SEC22A: variants seen among roughly 807,000 people sequenced by gnomAD.
The protein encoded by SEC22A is SEC22 homolog A, vesicle trafficking protein.
In SEC22A, 22 loss-of-function variants were observed where a neutral mutation model predicts 35.3. That is an observed-to-expected ratio of 0.62 (90% CI 0.45 to 0.89). The LOEUF (loss-of-function observed/expected upper bound fraction) is 0.89. Among genes scored for constraint, SEC22A ranks in the 40% least tolerant of loss-of-function variants. The pLI is 0.00. For missense variants in SEC22A, 354 were observed against 362.5 expected (o/e 0.98, Z 0.19); for synonymous variants, 119 against 129.5 (o/e 0.92, Z 0.55).
intron 5 of SEC22A, among the ~76,000 whole-genome samples, chr3:123,250,365 GT>G (rs1302738980): frequency 1.3e-5 from 2 of 151,942 alleles, no homozygotes; most frequent in Non-Finnish European, 2.9e-5. Flanking sequence ...AGCCAAGATC[GT>G]GCCACTGCAC....
In SEC22A at chr3:123,245,903, C is replaced by T. The variant is rs371589508; in HGVS notation, c.546C>T (p.His182=). 3.0e-5 allele frequency: 48 copies of T among 1,579,576 alleles called. No individual in the cohort carries two copies. Among genetic ancestry groups the T allele is most frequent in the Middle Eastern group, 3.3e-4 (2 of 5,994 alleles). ...ACTATTTCTTTTATTTTCCAGCTCA[C>T]CAGCGACTGGAACCAGCAACTCTGT... ...CKGAGKISSA[H]QRLEPATLSG... Residue 182 remains histidine (H), a synonymous_variant, in exon 5 of 7, where the codon CAC becomes CAT. Coordinates refer to ENST00000492595, the MANE Select transcript of SEC22A (RefSeq NM_012430.5).
At chr3:123,218,324 A>G (rs1017099412) in intron 2 of SEC22A, among the ~76,000 whole-genome samples, 2 of 152,198 alleles carry the variant, frequency 1.3e-5, no homozygotes, top group Non-Finnish European at 2.9e-5. Flanking sequence ...ACCAGTAAAG[A>G]CCAAACCCCA....
At chr3:123,269,177 A>ATG (rs1223821694) in intron 6 of SEC22A, among the ~76,000 whole-genome samples, 17,454 of 111,522 alleles carry the variant, frequency 0.16, 1,199 homozygotes, top group Middle Eastern at 0.26. Flanking sequence ...TGAATTAAAT[A>ATG]TATGTGTGTG....
chr3:123,219,516 T>C (rs1381675911), intron 2 of SEC22A, among the ~76,000 whole-genome samples: 2 of 152,228 alleles, frequency 1.3e-5, no homozygotes, highest in Admixed American at 1.3e-4. Context: ...GTGTGTGACC[T>C]TGGATAAGTT....
chr3:123,256,051 T>C (rs1041108528), intron 5 of SEC22A, among the ~76,000 whole-genome samples: 9 of 152,248 alleles, frequency 5.9e-5, no homozygotes, highest in African/African-American at 2.2e-4. Flanking sequence ...AATACCTTAA[T>C]CACACCAAAG....
chr3:123,230,293 T>G (rs9849799), intron 4 of SEC22A, among the ~76,000 whole-genome samples: 29,917 of 152,132 alleles, frequency 0.2, 3,047 homozygotes, highest in Middle Eastern at 0.28. Flanking sequence ...ATGGGTGGTA[T>G]TAAAGTTGTA....
chr3:123,217,375 ATTTTT>A (rs1160275173), intron 2 of SEC22A, among the ~76,000 whole-genome samples: 1 of 141,778 alleles, frequency 7.1e-6, no homozygotes, highest in African/African-American at 2.6e-5. Context: ...TTTTTTTTGT[ATTTTT>A]TTATTTTTTT....
chr3:123,252,957 T>A (rs577239676), intron 5 of SEC22A, among the ~76,000 whole-genome samples: 1 of 152,336 alleles, frequency 6.6e-6, no homozygotes, highest in African/African-American at 2.4e-5. Context: ...GAGATGGTAA[T>A]AAGTTTTTTG....
chr3:123,233,654 C>CAAAA (rs34046685), intron 4 of SEC22A, among the ~76,000 whole-genome samples: 204 of 149,818 alleles, frequency 1.4e-3, no homozygotes, highest in African/African-American at 4.5e-3. Context: ...AACAAACAAA[C>CAAAA]AAAAAAAAAC....
At chr3:123,209,006 G>C (rs913418872) in intron 1 of SEC22A, 193 bp from the exon 2 acceptor site, 20 of 445,184 alleles carry the variant, frequency 4.5e-5, no homozygotes, top group African/African-American at 4.0e-4. Context: ...TGTTGGCCAG[G>C]CTGGTCTCAA....
At chr3:123,203,811 CA>C (rs1174077812) in intron 1 of SEC22A, among the ~76,000 whole-genome samples, 1 of 152,136 alleles carries the variant, frequency 6.6e-6, no homozygotes, top group East Asian at 1.9e-4. Flanking sequence ...TTTACCTACC[CA>C]ACCGTGAACT....
intron 2 of SEC22A, among the ~76,000 whole-genome samples, chr3:123,218,898 A>G (rs1386753266): frequency 1.3e-5 from 2 of 152,236 alleles, no homozygotes; most frequent in African/African-American, 2.4e-5. Context: ...TGAGCAATAC[A>G]GAAATCATCC....
At position 123,271,826 on chromosome 3, in the gene SEC22A, GCTTT is replaced by G; in HGVS notation, c.*111_*114del. 1.1e-6 allele frequency: 1 copy of G among 937,450 alleles called. No individual in the cohort carries two copies. Among genetic ancestry groups the G allele is most frequent in the Non-Finnish European group, 1.6e-6 (1 of 625,006 alleles). The allele number at this position is 937,450 out of a possible 1,614,324, so 58.1% of individuals were successfully genotyped here. A position where few individuals can be genotyped will look rare whatever the true frequency, so the allele number is the denominator to read the frequency against. On this transcript the variant is annotated 3_prime_UTR_variant, in exon 7 of 7. Coordinates refer to ENST00000492595, the MANE Select transcript of SEC22A (RefSeq NM_012430.5). Reference sequence around the variant, plus strand: ...CTGTTCCCCACAGAGGAGAAGCTCTGCTTTCTTTCTCTCCAACTTTCCTTTTTTA... The same window carrying G: ...CTGTTCCCCACAGAGGAGAAGCTCTGCTTTCTCTCCAACTTTCCTTTTTTA...
At position 123,245,995 on chromosome 3, in the gene SEC22A, C is replaced by T; in HGVS notation, c.638C>T (p.Ala213Val). Residue 213 changes from alanine to valine, a missense_variant, in exon 5 of 7, where the codon GCT (alanine) becomes GTT (valine). Transcript: ENST00000492595. ...GALNLIRGFH[A>V]IESLLQSDGD... ...CTGAATTTAATTCGAGGCTTTCATGCTATAGAAAGTCTCCTGCAGGTACTG... is the reference window on the plus strand; with the variant it reads ...CTGAATTTAATTCGAGGCTTTCATGTTATAGAAAGTCTCCTGCAGGTACTG... 1 of 1,602,856 alleles carries T rather than the reference C, an allele frequency of 6.2e-7. No homozygotes were observed. The highest frequency in any genetic ancestry group is 2.2e-5 in the East Asian group (1 of 44,836).
chr3:123,259,708 A>G (rs1576503470), intron 6 of SEC22A, 119 bp downstream of exon 6: 2 of 733,338 alleles, frequency 2.7e-6, no homozygotes, highest in East Asian at 5.4e-5. Flanking sequence ...CTTCTCTTTT[A>G]ATTTGAGCCT....
chr3:123,220,355 G>C (rs1395082784), intron 2 of SEC22A, among the ~76,000 whole-genome samples: 1 of 152,140 alleles, frequency 6.6e-6, no homozygotes, highest in African/African-American at 2.4e-5. Context: ...TTATTATGGG[G>C]TATATTTGAA....
chr3:123,211,033 G>A (rs1319866016), intron 2 of SEC22A, among the ~76,000 whole-genome samples: 4 of 152,132 alleles, frequency 2.6e-5, no homozygotes, highest in Non-Finnish European at 4.4e-5. Context: ...ATTGAAGGAC[G>A]TGACTTTGAT....
chr3:123,246,141 A>T, intron 5 of SEC22A, 127 bp downstream of exon 5: 1 of 584,076 alleles, frequency 1.7e-6, no homozygotes, highest in Non-Finnish European at 3.1e-6. Context: ...GTTTTTTTAT[A>T]TCTGCTTTAG....
intron 4 of SEC22A, among the ~76,000 whole-genome samples, chr3:123,238,990 CTT>C (rs973420498): frequency 1.3e-5 from 2 of 152,166 alleles, no homozygotes; most frequent in African/African-American, 4.8e-5. Context: ...TTTTGCCATT[CTT>C]TTTTCATCTG....
Sources: gnomAD v4.1 joint callset for allele counts (sites outside exome capture counted in the v4.1 genomes callset) on GRCh38, gnomAD v4.1.1 for gene constraint, MANE v1.5 for transcripts, NCBI Gene and HGNC (gene_info 2026-07-23, HGNC 2026-07-21) for gene names.